The following CACNA1A variants were observed in gnomAD, a reference collection of about 807,000 sequenced individuals.
The protein encoded by CACNA1A is voltage-dependent P/Q-type calcium channel subunit alpha-1A.
Under a neutral mutation model 262.4 loss-of-function variants are expected in CACNA1A, and 57 were observed. That is an observed-to-expected ratio of 0.22 (90% CI 0.18 to 0.27). CACNA1A has a LOEUF of 0.27. Ranked by LOEUF, CACNA1A falls within the 10% of genes least tolerant of loss-of-function variation. The pLI, the probability that CACNA1A is intolerant of heterozygous loss-of-function variation, is 1.00. For synonymous variants in CACNA1A, 1,431 were observed against 1,419.3 expected, an observed-to-expected ratio of 1.01 and a Z score of -0.18; for missense variants, 2,526 against 3,562.8, an observed-to-expected ratio of 0.71 and a Z score of 7.41.
At position 13,231,868 on chromosome 19, in the gene CACNA1A, CAG is replaced by C. The variant is rs774070886; in HGVS notation, c.5250-10_5250-9del. 3.7e-6 allele frequency: 6 copies of C among 1,609,842 alleles called. No individual in the cohort carries two copies. The African/African-American group carries it at 4.0e-5, about 11-fold the overall frequency. On this transcript the variant is annotated splice_polypyrimidine_tract_variant and intron_variant, in intron 34 of 46. Coordinates refer to ENST00000360228, the MANE Select transcript of CACNA1A (RefSeq NM_001127222.2). Reference sequence around the variant, plus strand: ...GCTTCCCCGGTGGCACTCCTGAGGACAGGGAGAAATCAGAGACTCGGACACCC... The same window carrying C: ...GCTTCCCCGGTGGCACTCCTGAGGACGGAGAAATCAGAGACTCGGACACCC...
At chr19:13,255,667 T>C (rs2056525978) in intron 28 of CACNA1A, among the ~76,000 whole-genome samples, 1 of 144,422 alleles carries the variant, frequency 6.9e-6, no homozygotes, top group Admixed American at 6.9e-5. Context: ...CCTCCCTCCC[T>C]CGCTCCCTCC....
chr19:13,375,230 G>A (rs2059385010), intron 3 of CACNA1A, among the ~76,000 whole-genome samples: 1 of 151,958 alleles, frequency 6.6e-6, no homozygotes, highest in Admixed American at 6.6e-5. Flanking sequence ...TTGTTTGGGG[G>A]TGCCACGAAC....
chr19:13,243,844 C>G (rs907859316), intron 31 of CACNA1A: 2 of 152,498 alleles, frequency 1.3e-5, no homozygotes, highest in African/African-American at 4.8e-5. Context: ...CAGGCATGAG[C>G]CACCGTGCCC....
chr19:13,377,056 T>C (rs1035598775), intron 3 of CACNA1A, among the ~76,000 whole-genome samples: 1 of 151,734 alleles, frequency 6.6e-6, no homozygotes, highest in African/African-American at 2.4e-5. Context: ...GACTCCCAGG[T>C]TCAAGCGATT....
chr19:13,499,820 C>CTCAG (rs1982155561), intron 1 of CACNA1A, among the ~76,000 whole-genome samples: 1 of 152,130 alleles, frequency 6.6e-6, no homozygotes, highest in Admixed American at 6.5e-5. Flanking sequence ...CGGCCCTTTT[C>CTCAG]TCAGGAGCTG....
intron 1 of CACNA1A, among the ~76,000 whole-genome samples, chr19:13,480,690 GA>G (rs1023334884): frequency 3.5e-4 from 54 of 152,170 alleles, no homozygotes; most frequent in African/African-American, 1.2e-3. Flanking sequence ...AAAAAATAGA[GA>G]AAAAAAGTTA....
chr19:13,358,241 C>T (rs1302094486), intron 6 of CACNA1A, among the ~76,000 whole-genome samples: 3 of 152,220 alleles, frequency 2.0e-5, no homozygotes, highest in African/African-American at 7.2e-5. Flanking sequence ...CTATGGGCAG[C>T]CACACAATAG....
At chr19:13,313,469 T>TCCGC (rs1266194819) in intron 11 of CACNA1A, among the ~76,000 whole-genome samples, 1 of 134,894 alleles carries the variant, frequency 7.4e-6, no homozygotes, top group Non-Finnish European at 1.5e-5. Context: ...CACCCTACTG[T>TCCGC]AGCCTGGGTG....
intron 36 of CACNA1A, 53 bp downstream of exon 36, chr19:13,230,029 A>C: frequency 6.3e-7 from 1 of 1,589,838 alleles, no homozygotes; most frequent in Non-Finnish European, 8.6e-7. Flanking sequence ...CCCGTGTTCC[A>C]GTTCCAGGGA....
At position 13,212,237 on chromosome 19, in the gene CACNA1A, C is replaced by G; in HGVS notation, c.6190-21G>C. On this transcript the variant is annotated intron_variant, in intron 42 of 46. Transcript: ENST00000360228. The surrounding 1 kb of genome is among the most constrained non-coding windows in gnomAD (Gnocchi z 5.6). ...ACGGACTGCGGAGCAGATGGCAAAGCCAGATGAGCTCTGGGGCCTGACCTC... is the reference window on the plus strand; with the variant it reads ...ACGGACTGCGGAGCAGATGGCAAAGGCAGATGAGCTCTGGGGCCTGACCTC... The G allele has an allele frequency of 6.2e-7, 1 of 1,608,270 alleles. No homozygotes were observed. Among genetic ancestry groups the G allele is most frequent in the Non-Finnish European group, 8.5e-7 (1 of 1,175,030 alleles).
chr19:13,310,508 A>G (rs947338647), intron 12 of CACNA1A, among the ~76,000 whole-genome samples: 804 of 26,938 alleles, frequency 0.03, 139 homozygotes, highest in East Asian at 0.1. Flanking sequence ...ATATATATAT[A>G]TATATGTAGA....
At chr19:13,415,103 G>A (rs1370180466) in intron 3 of CACNA1A, among the ~76,000 whole-genome samples, 1 of 152,062 alleles carries the variant, frequency 6.6e-6, no homozygotes, top group Non-Finnish European at 1.5e-5. Context: ...GAGGGCATAG[G>A]AGATGGGCTG....
chr19:13,454,573 T>C (rs545685141), intron 2 of CACNA1A, among the ~76,000 whole-genome samples: 2 of 152,268 alleles, frequency 1.3e-5, no homozygotes, highest in Non-Finnish European at 1.5e-5. Flanking sequence ...GCTTTCACCA[T>C]GTTGGTCAGG....
chr19:13,346,646 ATATATATATATATATATATATTTTTTTTT>A (rs1174507993), intron 6 of CACNA1A, among the ~76,000 whole-genome samples: 29 of 5,788 alleles, frequency 5.0e-3, no homozygotes, highest in Admixed American at 0.029. Context: ...ATATATATAT[ATATATATATATATATATATATTTTTTTTT>A]TTTTTTTTTT....
At chr19:13,465,399 T>C (rs535523545) in intron 1 of CACNA1A, among the ~76,000 whole-genome samples, 54 of 152,358 alleles carry the variant, frequency 3.5e-4, no homozygotes, top group Non-Finnish European at 6.6e-4. Context: ...AAAAAAATCT[T>C]CATTGGACAT....
At chr19:13,333,279 G>A (rs750254859) in intron 8 of CACNA1A, among the ~76,000 whole-genome samples, 3 of 152,032 alleles carry the variant, frequency 2.0e-5, no homozygotes, top group Non-Finnish European at 4.4e-5. Flanking sequence ...TCTCAAATAC[G>A]TTCCTAGCTC....
intron 8 of CACNA1A, 41 bp from the exon 9 acceptor site, chr19:13,332,966 G>GAACTCATCCTCCA: frequency 1.3e-6 from 2 of 1,500,334 alleles, no homozygotes; most frequent in Non-Finnish European, 9.3e-7. Flanking sequence ...TGCATTTGGA[G>GAACTCATCCTCCA]GATGAGTTCT....
intron 1 of CACNA1A, among the ~76,000 whole-genome samples, chr19:13,468,833 C>T (rs960941718): frequency 2.0e-5 from 3 of 152,054 alleles, no homozygotes; most frequent in African/African-American, 7.2e-5. Context: ...AAATTCCCTG[C>T]AGACCATCAA....
chr19:13,407,969 C>T (rs1279815669), intron 3 of CACNA1A, among the ~76,000 whole-genome samples: 1 of 132,278 alleles, frequency 7.6e-6, no homozygotes, highest in Non-Finnish European at 1.5e-5. Flanking sequence ...TTGTAGCACT[C>T]CCCCCCTCAC....
Sources: gnomAD v4.1 joint callset for allele counts (sites outside exome capture counted in the v4.1 genomes callset) on GRCh38, gnomAD v4.1.1 for gene constraint, Gnocchi (gnomAD v3.1) non-coding constraint, MANE v1.5 for transcripts, NCBI Gene and HGNC (gene_info 2026-07-23, HGNC 2026-07-21) for gene names.